The following SKA3 variants were observed in gnomAD, a reference collection of about 807,000 sequenced individuals.
The protein encoded by SKA3 is spindle and kinetochore associated complex subunit 3.
SKA3 carries 39 observed loss-of-function variants against 44.2 expected under a neutral mutation model. The observed-to-expected ratio is 0.88, with a 90% confidence interval of 0.68 to 1.15. The LOEUF (loss-of-function observed/expected upper bound fraction) is 1.15, where lower values mean the gene tolerates loss of function less well. Among genes scored for constraint, SKA3 ranks in the 50% most tolerant of loss-of-function variants. The pLI is 0.00. For synonymous variants in SKA3, 192 were observed against 172.0 expected (o/e 1.12, Z -0.91); for missense variants, 511 against 485.8 (o/e 1.05, Z -0.49).
At chr13:21,160,527 G>A (rs978778439) in intron 5 of SKA3, among the ~76,000 whole-genome samples, 2 of 151,570 alleles carry the variant, frequency 1.3e-5, no homozygotes, top group Non-Finnish European at 2.9e-5. Flanking sequence ...AAAGAGAAAA[G>A]GTAAATATGT....
intron 3 of SKA3, among the ~76,000 whole-genome samples, chr13:21,168,997 T>C (rs530956389): frequency 8.5e-4 from 130 of 152,254 alleles, no homozygotes; most frequent in African/African-American, 2.8e-3. Flanking sequence ...TTAATGTGAT[T>C]TACTAGTTTT....
chr13:21,170,179 C>CT (rs1192752791), intron 3 of SKA3, among the ~76,000 whole-genome samples: 1,614 of 138,352 alleles, frequency 0.012, 13 homozygotes, highest in Middle Eastern at 0.026. Flanking sequence ...AGGTTATATA[C>CT]TTTTTTTTTT....
intron 3 of SKA3, among the ~76,000 whole-genome samples, chr13:21,169,279 C>T (rs1870905126): frequency 6.6e-6 from 1 of 151,972 alleles, no homozygotes. Context: ...CTTTGTCCCC[C>T]AGGCTGGAGT....
chr13:21,155,990 C>A (rs1870098528), intron 7 of SKA3, among the ~76,000 whole-genome samples, 179 bp from the exon 8 acceptor site: 1 of 151,978 alleles, frequency 6.6e-6, no homozygotes, highest in Non-Finnish European at 1.5e-5. Context: ...GAGTTTGAGA[C>A]CAGGCTGGAC....
chr13:21,163,996 T>C (rs1437569619), intron 4 of SKA3, among the ~76,000 whole-genome samples: 1 of 152,138 alleles, frequency 6.6e-6, no homozygotes, highest in Non-Finnish European at 1.5e-5. Flanking sequence ...ACTCCTGACC[T>C]CAAGTGATCC....
At chr13:21,166,909 TTTTC>T (rs1469459960) in intron 4 of SKA3, among the ~76,000 whole-genome samples, 2 of 152,352 alleles carry the variant, frequency 1.3e-5, no homozygotes, top group Non-Finnish European at 2.9e-5. Context: ...TGTGGGGTTT[TTTTC>T]TTTGACAGGA....
Position 21,168,142 on chromosome 13 carries a change from G to A in SKA3, c.589C>T (p.Leu197=), listed in dbSNP as rs772167400. 5.6e-6 allele frequency: 9 copies of A among 1,614,050 alleles called. No homozygotes were observed. Among genetic ancestry groups the A allele is most frequent in the Admixed American group, 1.7e-5 (1 of 59,994 alleles). The part of the protein sequence containing the change: ...VIVTPPTKQS[L]VKVLKTPKCA... ...TTTGGAGTTTTTAGTACTTTTACTA[G>A]TGATTGTTTGGTAGGTGGGGTTACA... is the stretch of plus-strand genomic sequence containing the variant. The change falls in exon 4 of 9, where the codon CTA becomes TTA. Residue 197 remains leucine (L), a synonymous_variant. Transcript: ENST00000314759.
rs1565990292 is a variant in SKA3 at position 21,155,148 on chromosome 13, T to C, written c.*2A>G. 2 of 1,599,490 alleles carry C rather than the reference T, an allele frequency of 1.3e-6. No homozygotes were observed. Among genetic ancestry groups the C allele is most frequent in the African/African-American group, 2.7e-5 (2 of 74,830 alleles). Reference sequence around the variant, plus strand: ...TCTGTGTTGGATAGATCCACTGGAATTTCTGCAACAGATACAAATAACAAA... The same window carrying C: ...TCTGTGTTGGATAGATCCACTGGAACTTCTGCAACAGATACAAATAACAAA... On this transcript the variant is annotated splice_region_variant and 3_prime_UTR_variant, in exon 9 of 9. Coordinates refer to ENST00000314759, the MANE Select transcript of SKA3 (RefSeq NM_145061.6).
chr13:21,172,171 C>A, intron 3 of SKA3, 168 bp downstream of exon 3: 3 of 468,048 alleles, frequency 6.4e-6, no homozygotes, highest in Non-Finnish European at 1.1e-5. Context: ...CTGATTAGCA[C>A]TCCAAAAGCA....
intron 3 of SKA3, among the ~76,000 whole-genome samples, chr13:21,169,339 A>G (rs1273124740): frequency 1.3e-5 from 2 of 152,142 alleles, no homozygotes; most frequent in Middle Eastern, 3.4e-3. Context: ...AGCTGGGACT[A>G]TAGGCACGCA....
At chr13:21,175,361 C>A (rs1191243992) in intron 1 of SKA3, among the ~76,000 whole-genome samples, 1 of 151,096 alleles carries the variant, frequency 6.6e-6, no homozygotes, top group East Asian at 1.9e-4. Flanking sequence ...ACTGCAAGTT[C>A]CGCCTCCCGG....
chr13:21,167,484 T>C (rs1298287903), intron 4 of SKA3, among the ~76,000 whole-genome samples: 3 of 152,072 alleles, frequency 2.0e-5, no homozygotes, highest in Admixed American at 2.0e-4. Flanking sequence ...AAGAACTTAT[T>C]GGCCGGGCGC....
At position 21,154,873 on chromosome 13, in the gene SKA3, A is replaced by G. The variant is rs1452124952; in HGVS notation, c.*277T>C. On this transcript the variant is annotated 3_prime_UTR_variant, in exon 9 of 9. Transcript: ENST00000314759. ...CTTGTCCTACTTCCTGGTACTACTT[A>G]AACCATTCTGTTGATTAAGCTGGGT... 7.0e-6 allele frequency: 4 copies of G among 567,814 alleles called. No homozygotes were observed. In the East Asian group the frequency reaches 1.2e-4, roughly 17 times the overall value. The allele number at this position is 567,814 out of a possible 1,614,324, so 35.2% of individuals were successfully genotyped here.
At chr13:21,168,454 T>C in intron 3 of SKA3, 55 bp from the exon 4 acceptor site, 1 of 1,465,966 alleles carries the variant, frequency 6.8e-7, no homozygotes, top group Non-Finnish European at 9.2e-7. Flanking sequence ...AATTTCACGT[T>C]TACAAAAACA....
At chr13:21,163,777 GTT>G (rs970233119) in intron 4 of SKA3, among the ~76,000 whole-genome samples, 1 of 151,964 alleles carries the variant, frequency 6.6e-6, no homozygotes, top group African/African-American at 2.4e-5. Context: ...GGGTTTTTTT[GTT>G]TTGAGATGGA....
At chr13:21,167,481 T>C (rs1870773272) in intron 4 of SKA3, among the ~76,000 whole-genome samples, 1 of 152,020 alleles carries the variant, frequency 6.6e-6, no homozygotes, top group East Asian at 1.9e-4. Flanking sequence ...CTAAAGAACT[T>C]ATTGGCCGGG....
At position 21,172,429 on chromosome 13, in the gene SKA3, C is replaced by T. The variant is rs750948597; in HGVS notation, c.241G>A (p.Val81Ile). 1.3e-5 allele frequency: 20 copies of T among 1,591,444 alleles called. No individual in the cohort carries two copies. Among genetic ancestry groups the T allele is most frequent in the Non-Finnish European group, 1.6e-5 (19 of 1,172,310 alleles). ...EGIDFIKATK[V>I]LMEKNSMDIM... ...TCCATTGAATTTTTTTCCATTAGTA[C>T]TTTTGTTGCCTTTATGAAATCAATG... Residue 81 changes from valine (V) to isoleucine (I), a missense_variant, in exon 3 of 9, where the codon GTA becomes ATA. Coordinates refer to ENST00000314759, the MANE Select transcript of SKA3 (RefSeq NM_145061.6).
intron 3 of SKA3, among the ~76,000 whole-genome samples, chr13:21,170,934 T>TG (rs1871007012): frequency 6.6e-6 from 1 of 151,836 alleles, no homozygotes; most frequent in Non-Finnish European, 1.5e-5. Flanking sequence ...TATGTATGTA[T>TG]TTTATTTATT....
Position 21,154,774 on chromosome 13 carries a change from A to G in SKA3, c.*376T>C. 1 of 321,478 alleles carries G rather than the reference A, an allele frequency of 3.1e-6. No homozygotes were observed. Among genetic ancestry groups the G allele is most frequent in the Non-Finnish European group, 5.9e-6 (1 of 168,608 alleles). The allele number at this position is 321,478 out of a possible 1,614,324, so 19.9% of individuals were successfully genotyped here. On this transcript the variant is annotated 3_prime_UTR_variant, in exon 9 of 9. Transcript: ENST00000314759. ...TGATGGGAAGGCAGAGCTGGCTGGCAGCAATGTCTCTCTGGCCAGAAGGTC... is the reference window on the plus strand; with the variant it reads ...TGATGGGAAGGCAGAGCTGGCTGGCGGCAATGTCTCTCTGGCCAGAAGGTC...
Sources: allele counts gnomAD v4.1 joint callset (sites outside exome capture counted in the v4.1 genomes callset), GRCh38; gene constraint gnomAD v4.1.1; transcripts MANE v1.5; gene names NCBI Gene and HGNC (gene_info 2026-07-23, HGNC 2026-07-21).